The following PREX2 variants were observed in gnomAD, a reference collection of about 807,000 sequenced individuals.
PREX2 encodes the protein phosphatidylinositol-3,4,5-trisphosphate dependent Rac exchange factor 2.
Under a neutral mutation model 203.2 loss-of-function variants are expected in PREX2, and 107 were observed. That is an observed-to-expected ratio of 0.53 (90% CI 0.45 to 0.62). The LOEUF (loss-of-function observed/expected upper bound fraction) is 0.62. Among genes scored for constraint, PREX2 ranks in the 20% least tolerant of loss-of-function variants. PREX2 has a pLI of 0.00. For missense variants in PREX2, 1,777 were observed against 1,955.9 expected, an observed-to-expected ratio of 0.91 and a Z score of 1.72; for synonymous variants, 672 against 663.6, an observed-to-expected ratio of 1.01 and a Z score of -0.19.
At chr8:68,064,994 T>G (rs1316973299) in intron 11 of PREX2, among the ~76,000 whole-genome samples, 1 of 152,220 alleles carries the variant, frequency 6.6e-6, no homozygotes, top group Admixed American at 6.5e-5. Context: ...CACAGTTATT[T>G]AAAAGATTGC....
At chr8:68,055,690 G>C (rs942594988) in intron 9 of PREX2, 140 bp from the exon 10 acceptor site, 3 of 731,228 alleles carry the variant, frequency 4.1e-6, no homozygotes, top group Admixed American at 3.0e-5. Flanking sequence ...TGAACACCAG[G>C]GCACTATTAT....
chr8:68,035,698 A>G (rs1808006254), intron 6 of PREX2, among the ~76,000 whole-genome samples: 1 of 152,144 alleles, frequency 6.6e-6, no homozygotes, highest in Non-Finnish European at 1.5e-5. Flanking sequence ...TACATTAACA[A>G]TTCTTAGGGA....
At chr8:68,179,645 G>GT (rs1812047754) in intron 35 of PREX2, among the ~76,000 whole-genome samples, 1 of 152,102 alleles carries the variant, frequency 6.6e-6, no homozygotes, top group Admixed American at 6.6e-5. Flanking sequence ...CCTGACTCCT[G>GT]AGTACTAGAT....
At chr8:67,992,422 T>C (rs1806636843) in intron 1 of PREX2, among the ~76,000 whole-genome samples, 1 of 152,260 alleles carries the variant, frequency 6.6e-6, no homozygotes, top group Non-Finnish European at 1.5e-5. Context: ...CTTTAGTATT[T>C]ACTCATTCAA....
At chr8:68,126,976 T>A (rs1385931252) in intron 30 of PREX2, among the ~76,000 whole-genome samples, 1 of 151,960 alleles carries the variant, frequency 6.6e-6, no homozygotes, top group African/African-American at 2.4e-5. Flanking sequence ...GCAAAAATAT[T>A]GTTTGACAGT....
At chr8:68,048,291 G>T (rs1808427225) in intron 8 of PREX2, among the ~76,000 whole-genome samples, 1 of 152,024 alleles carries the variant, frequency 6.6e-6, no homozygotes, top group Non-Finnish European at 1.5e-5. Context: ...AATTTTTATA[G>T]TGCATGACTG....
At chr8:68,013,336 C>T (rs55934449) in intron 1 of PREX2, among the ~76,000 whole-genome samples, 1 of 152,262 alleles carries the variant, frequency 6.6e-6, no homozygotes, top group African/African-American at 2.4e-5. Flanking sequence ...ATCTTTGTGC[C>T]AGTGACAATC....
At chr8:68,027,367 C>G in intron 5 of PREX2, 44 bp downstream of exon 5, 1 of 1,181,690 alleles carries the variant, frequency 8.5e-7, no homozygotes, top group Non-Finnish European at 1.3e-6. Context: ...CTTGTATCTA[C>G]ATATTTTGCT....
chr8:68,069,851 G>A lies in PREX2; in HGVS notation c.1460G>A (p.Cys487Tyr). Residue 487 changes from cysteine (C) to tyrosine (Y), a missense_variant, in exon 13 of 40, where the codon TGT (cysteine) becomes TAT (tyrosine). Transcript: ENST00000288368. ...TTTACGTAGGGTGTAAGATTATATTGTCGTCTTCATAGCCTTTTTACTCCA... is the reference window on the plus strand; with the variant it reads ...TTTACGTAGGGTGTAAGATTATATTATCGTCTTCATAGCCTTTTTACTCCA... Reference protein sequence around the residue: ...DVISKGVRLYCRLHSLFTPVI... With the variant: ...DVISKGVRLYYRLHSLFTPVI... 1 of 1,551,646 alleles carries A rather than the reference G, an allele frequency of 6.4e-7. No individual in the cohort carries two copies. Among genetic ancestry groups the A allele is most frequent in the Non-Finnish European group, 8.8e-7 (1 of 1,132,978 alleles).
At chr8:68,209,921 A>G (rs1014418244) in intron 37 of PREX2, among the ~76,000 whole-genome samples, 5 of 152,184 alleles carry the variant, frequency 3.3e-5, no homozygotes, top group African/African-American at 1.2e-4. Context: ...ATCATAGTTT[A>G]CTAACAGGAA....
chr8:68,157,449 C>G lies in PREX2; in HGVS notation c.4346+13C>G, dbSNP rs755813089. 6.9e-7 allele frequency: 1 copy of G among 1,446,772 alleles called. No homozygotes were observed. The highest frequency in any genetic ancestry group is 9.7e-7 in the Non-Finnish European group (1 of 1,031,132). The allele number at this position is 1,446,772 out of a possible 1,614,324, so 89.6% of individuals were successfully genotyped here. On this transcript the variant is annotated intron_variant, in intron 35 of 39. Transcript: ENST00000288368. ...ACCAGAAGCTCAGGTATGTAACAAT[C>G]CAACTGAAAAATAATGAGTGTCTAT...
intron 1 of PREX2, among the ~76,000 whole-genome samples, chr8:67,960,342 G>A (rs974202844): frequency 1.3e-5 from 2 of 152,028 alleles, no homozygotes; most frequent in Non-Finnish European, 2.9e-5. Context: ...GTGCCCGGCC[G>A]GAAGTGGTTT....
chr8:68,027,861 C>T (rs1169227890), intron 5 of PREX2, among the ~76,000 whole-genome samples: 2 of 151,970 alleles, frequency 1.3e-5, no homozygotes, highest in African/African-American at 4.8e-5. Flanking sequence ...GTAAAACATC[C>T]TACTAATGGT....
intron 1 of PREX2, among the ~76,000 whole-genome samples, chr8:67,996,411 C>G (rs1806768606): frequency 6.6e-6 from 1 of 151,754 alleles, no homozygotes; most frequent in East Asian, 1.9e-4. Flanking sequence ...CCAAGTTGGT[C>G]TCAAATTCCT....
At chr8:68,119,643 T>A (rs1810727413) in intron 28 of PREX2, 129 bp downstream of exon 28, 1 of 662,216 alleles carries the variant, frequency 1.5e-6, no homozygotes, top group Non-Finnish European at 2.7e-6. Flanking sequence ...CTCCTTTACC[T>A]CAATTTCTGA....
intron 37 of PREX2, among the ~76,000 whole-genome samples, chr8:68,207,349 T>C (rs1812650116): frequency 1.3e-5 from 2 of 152,200 alleles, no homozygotes. Context: ...CTTCCCAGAA[T>C]ATATTTAATT....
In PREX2 at chr8:68,134,291, T is replaced by C. The variant is rs1317714642; in HGVS notation, c.3984+15T>C. ...CACCAAACTTGGTAAGGAAATCACA[T>C]GACTCCCACTGTCTGTGTCAACTGT... On this transcript the variant is annotated intron_variant, in intron 32 of 39. Coordinates refer to ENST00000288368, the MANE Select transcript of PREX2 (RefSeq NM_024870.4). 1.3e-6 allele frequency: 2 copies of C among 1,579,612 alleles called. No individual in the cohort carries two copies.
chr8:68,026,924 C>A (rs1807734078), intron 4 of PREX2, among the ~76,000 whole-genome samples: 1 of 152,066 alleles, frequency 6.6e-6, no homozygotes, highest in East Asian at 1.9e-4. Context: ...ACTTATCCAT[C>A]CATTAATCCA....
intron 34 of PREX2, among the ~76,000 whole-genome samples, chr8:68,153,597 A>G (rs889618008): frequency 3.9e-5 from 6 of 152,182 alleles, no homozygotes; most frequent in Admixed American, 3.3e-4. Context: ...CAAATTTAAC[A>G]TGTTTGAAAT....
Sources: allele counts gnomAD v4.1 joint callset (sites outside exome capture counted in the v4.1 genomes callset), GRCh38; gene constraint gnomAD v4.1.1; transcripts MANE v1.5; gene names NCBI Gene and HGNC (gene_info 2026-07-23, HGNC 2026-07-21).